The following PCCA variants were observed in gnomAD, a reference collection of about 807,000 sequenced individuals.
PCCA encodes propionyl-CoA carboxylase subunit alpha, also known as propionyl-CoA carboxylase alpha chain, mitochondrial.
PCCA carries 74 observed loss-of-function variants against 101.3 expected under a neutral mutation model. The ratio of observed to expected loss-of-function variants is 0.73; its 90% CI spans 0.61 to 0.89. PCCA has a LOEUF of 0.89. Ranked by LOEUF, PCCA falls within the 40% of genes least tolerant of loss-of-function variation. The pLI is 0.00. For missense variants in PCCA, 891 were observed against 907.0 expected (o/e 0.98, Z 0.23); for synonymous variants, 294 against 313.6 (o/e 0.94, Z 0.66).
intron 20 of PCCA, among the ~76,000 whole-genome samples, chr13:100,436,183 A>G (rs1240053041): frequency 6.6e-6 from 1 of 152,164 alleles, no homozygotes; most frequent in African/African-American, 2.4e-5. Context: ...TCCATTGATT[A>G]CTTTATACTC....
intron 18 of PCCA, among the ~76,000 whole-genome samples, chr13:100,367,582 T>C (rs1406256816): frequency 6.6e-6 from 1 of 151,920 alleles, no homozygotes; most frequent in African/African-American, 2.4e-5. Context: ...ATGTTTAAAT[T>C]CGTTTTTTAA....
At chr13:100,401,635 T>C (rs1018414090) in intron 19 of PCCA, among the ~76,000 whole-genome samples, 16 of 152,172 alleles carry the variant, frequency 1.1e-4, no homozygotes, top group African/African-American at 3.9e-4. Context: ...TTTGTACCAT[T>C]CCCAGTCATT....
At chr13:100,276,331 G>A (rs1338115404) in intron 12 of PCCA, among the ~76,000 whole-genome samples, 1 of 149,242 alleles carries the variant, frequency 6.7e-6, no homozygotes. Context: ...CACTCATTCT[G>A]CATTCTGCTT....
chr13:100,344,383 A>T (rs1359691449), intron 18 of PCCA, among the ~76,000 whole-genome samples: 1 of 152,238 alleles, frequency 6.6e-6, no homozygotes, highest in Non-Finnish European at 1.5e-5. Flanking sequence ...GAGATCCTTG[A>T]CAGGCATAAT....
intron 7 of PCCA, among the ~76,000 whole-genome samples, chr13:100,212,041 A>C (rs1019195517): frequency 1.3e-5 from 2 of 152,148 alleles, no homozygotes; most frequent in African/African-American, 4.8e-5. Flanking sequence ...CACTTGGCCT[A>C]TTGCCACTTT....
At chr13:100,247,673 C>G (rs1460241565) in intron 8 of PCCA, among the ~76,000 whole-genome samples, 1 of 151,846 alleles carries the variant, frequency 6.6e-6, no homozygotes, top group Non-Finnish European at 1.5e-5. Flanking sequence ...GCCACCACAC[C>G]TGGCTAATTT....
chr13:100,492,426 G>T (rs910312234), intron 21 of PCCA, among the ~76,000 whole-genome samples: 2 of 152,066 alleles, frequency 1.3e-5, no homozygotes, highest in African/African-American at 4.8e-5. Context: ...GAGCCGCCGA[G>T]CCCGGTGGAC....
intron 20 of PCCA, 150 bp downstream of exon 20, chr13:100,425,881 T>A: frequency 1.5e-6 from 1 of 657,344 alleles, no homozygotes; most frequent in Non-Finnish European, 2.7e-6. Flanking sequence ...TCTTTTCTTA[T>A]TTTAGAGGAT....
At chr13:100,429,177 C>T (rs1017087353) in intron 20 of PCCA, among the ~76,000 whole-genome samples, 9 of 152,018 alleles carry the variant, frequency 5.9e-5, no homozygotes, top group Non-Finnish European at 1.3e-4. Flanking sequence ...GCTGATTTCT[C>T]TTCTGACCAC....
rs1236769224 is a variant in PCCA at position 100,530,395 on chromosome 13, AGT to A, written c.*232_*233del. ...TTGTACTTCTGCTGTGAGATTCCCT[AGT>A]GTCAAAATTAAATCAATAAAACTGA... On this transcript the variant is annotated 3_prime_UTR_variant, in exon 24 of 24. Coordinates refer to ENST00000376285, the MANE Select transcript of PCCA (RefSeq NM_000282.4). The A allele has an allele frequency of 1.7e-6, 1 of 600,550 alleles. No individual in the cohort carries two copies. The highest frequency in any genetic ancestry group is 1.9e-5 in the African/African-American group (1 of 53,992). The allele number at this position is 600,550 out of a possible 1,614,324, so 37.2% of individuals were successfully genotyped here.
At chr13:100,519,135 A>C (rs114847295) in intron 22 of PCCA, among the ~76,000 whole-genome samples, 1,724 of 152,334 alleles carry the variant, frequency 0.011, 33 homozygotes, top group African/African-American at 0.039. Flanking sequence ...GATTCTTTCA[A>C]GTAATGTTCG....
At chr13:100,127,224 T>G (rs2050038825) in intron 4 of PCCA, among the ~76,000 whole-genome samples, 1 of 152,214 alleles carries the variant, frequency 6.6e-6, no homozygotes, top group Non-Finnish European at 1.5e-5. Flanking sequence ...GCTATTTAAA[T>G]TCAATAAAAC....
chr13:100,111,924 C>G (rs1340099328), intron 3 of PCCA, 36 bp downstream of exon 3: 4 of 1,591,704 alleles, frequency 2.5e-6, no homozygotes, highest in South Asian at 2.2e-5. Flanking sequence ...CCATTTTACT[C>G]TGAAATTATT....
chr13:100,257,574 C>A, intron 8 of PCCA, 21 bp from the exon 9 acceptor site: 1 of 1,591,050 alleles, frequency 6.3e-7, no homozygotes, highest in African/African-American at 1.3e-5. Flanking sequence ...GAACTTCTGT[C>A]TAATTCTTCC....
intron 4 of PCCA, among the ~76,000 whole-genome samples, chr13:100,140,552 A>G (rs894458535): frequency 6.6e-6 from 1 of 152,158 alleles, no homozygotes; most frequent in Non-Finnish European, 1.5e-5. Context: ...CCTACTTTGC[A>G]TTTCAGGCTT....
chr13:100,425,456 G>A (rs2079076166), intron 19 of PCCA, among the ~76,000 whole-genome samples, 177 bp from the exon 20 acceptor site: 1 of 152,242 alleles, frequency 6.6e-6, no homozygotes, highest in Non-Finnish European at 1.5e-5. Context: ...CCTCTCCCCA[G>A]AGATGACTGG....
intron 6 of PCCA, among the ~76,000 whole-genome samples, chr13:100,201,237 A>G (rs1486934702): frequency 2.6e-5 from 4 of 152,168 alleles, no homozygotes; most frequent in East Asian, 1.9e-4. Context: ...TAGCTCTACA[A>G]GTAAATCCCG....
chr13:100,267,875 A>G (rs2063049859), intron 10 of PCCA, among the ~76,000 whole-genome samples: 2 of 152,186 alleles, frequency 1.3e-5, no homozygotes, highest in Admixed American at 1.3e-4. Flanking sequence ...TGAAATTTAA[A>G]TGTAGCTGGA....
intron 21 of PCCA, among the ~76,000 whole-genome samples, chr13:100,458,337 A>G (rs2081909033): frequency 2.0e-5 from 2 of 99,774 alleles, no homozygotes; most frequent in South Asian, 6.3e-4. Context: ...ACACACACAC[A>G]CACACACAGT....
Sources: gnomAD v4.1 joint callset for allele counts (sites outside exome capture counted in the v4.1 genomes callset) on GRCh38, gnomAD v4.1.1 for gene constraint, MANE v1.5 for transcripts, NCBI Gene and HGNC (gene_info 2026-07-23, HGNC 2026-07-21) for gene names.